The following CA12 variants were observed in gnomAD, a reference collection of about 807,000 sequenced individuals.
CA12 encodes carbonate dehydratase XII.
A neutral mutation model predicts 46.8 loss-of-function variants in CA12; 36 were observed. The observed-to-expected ratio is 0.77, with a 90% CI of 0.59 to 1.02. CA12 has a LOEUF of 1.02. Ranked by LOEUF, CA12 falls within the 50% of genes least tolerant of loss-of-function variation. The pLI is 0.00. For missense variants in CA12, 436 were observed against 451.4 expected (o/e 0.97, Z 0.31); for synonymous variants, 202 against 187.0 (o/e 1.08, Z -0.65).
chr15:63,359,190 C>G (rs764302320), intron 2 of CA12, among the ~76,000 whole-genome samples: 3 of 152,182 alleles, frequency 2.0e-5, no homozygotes, highest in African/African-American at 7.2e-5. Context: ...CTGGCTACCC[C>G]CTTTGGATAA....
chr15:63,349,082 C>T (rs1716684406), intron 2 of CA12, among the ~76,000 whole-genome samples: 1 of 152,140 alleles, frequency 6.6e-6, no homozygotes, highest in South Asian at 2.1e-4. Flanking sequence ...ATTCCAGCAT[C>T]AGCTGTCCCA....
rs1035122563 is a variant in CA12 at position 63,355,233 on chromosome 15, C to T, written c.107-8524G>A. ...GCAGACACACCAAGCTGCTTCACAT[C>T]TCCCTGAAACACCCTCCCCTCGCTG... is the stretch of plus-strand genomic sequence containing the variant. On this transcript the variant is annotated intron_variant, in intron 2 of 10. Transcript: ENST00000178638. This position sits in a 1 kb window ranked among gnomAD's most constrained non-coding sequence, Gnocchi z 4.1. 2.6e-5 allele frequency among the ~76,000 whole-genome samples: 4 copies of T among 152,192 alleles called. No homozygotes were observed. Among genetic ancestry groups the T allele is most frequent in the Non-Finnish European group, 5.9e-5 (4 of 68,030 alleles).
rs1037885432 is a variant in CA12, at chr15:63,378,495, G to A, written c.86-2817C>T. ...AGCTATGGGTGCATTGAGAGTTGAG[G>A]GTCCCAAGATCAACCTCCCTTGAAT... On this transcript the variant is annotated intron_variant, in intron 1 of 10. Transcript: ENST00000178638. The surrounding 1 kb of genome is among the most constrained non-coding windows in gnomAD (Gnocchi z 4.8). 1.3e-5 allele frequency among the ~76,000 whole-genome samples: 2 copies of A among 151,960 alleles called. No homozygotes were observed. The highest frequency in any genetic ancestry group is 4.8e-5 in the African/African-American group (2 of 41,340).
chr15:63,334,429 T>C (rs539602924), intron 8 of CA12, among the ~76,000 whole-genome samples: 4 of 151,574 alleles, frequency 2.6e-5, no homozygotes, highest in Admixed American at 2.0e-4. Context: ...CTGATTTTTT[T>C]TTTTTTAAGT....
rs1295466113 is a variant in CA12 at position 63,322,593 on chromosome 15, A to G, written c.*3692T>C. On this transcript the variant is annotated 3_prime_UTR_variant, in exon 11 of 11. Transcript: ENST00000178638. The surrounding 1 kb of genome is among the most constrained non-coding windows in gnomAD (Gnocchi z 4.1). ...CTGCCGACCTATGGCTCTCACTGCTATGCCTCCCTGATCATTCAGCCAGTG... is the reference window on the plus strand; with the variant it reads ...CTGCCGACCTATGGCTCTCACTGCTGTGCCTCCCTGATCATTCAGCCAGTG... 1 of 152,244 alleles carries G rather than the reference A, an allele frequency of 6.6e-6. No homozygotes were observed. The highest frequency in any genetic ancestry group is 6.5e-5 in the Admixed American group (1 of 15,284). The allele number at this position is 152,244 out of a possible 1,614,324, so 9.4% of individuals were successfully genotyped here.
At chr15:63,380,302 A>G (rs532026456) in intron 1 of CA12, among the ~76,000 whole-genome samples, 20 of 152,134 alleles carry the variant, frequency 1.3e-4, no homozygotes, top group Admixed American at 1.3e-4. Context: ...AAAGTAGGGA[A>G]GAAAGGAAGG....
At chr15:63,357,775 C>T (rs1595786842) in intron 2 of CA12, among the ~76,000 whole-genome samples, 1 of 152,250 alleles carries the variant, frequency 6.6e-6, no homozygotes, top group East Asian at 1.9e-4. Flanking sequence ...AGATCCAGAA[C>T]ATTTCAATAT....
rs2039541093 is a variant in CA12, at chr15:63,374,083, C to T, written c.106+1575G>A. Reference sequence around the variant, plus strand: ...CTCCACCTCCTACCACCAAGTAACTCTTCCTAAAACACAGACTTACTCCCT... The same window carrying T: ...CTCCACCTCCTACCACCAAGTAACTTTTCCTAAAACACAGACTTACTCCCT... On this transcript the variant is annotated intron_variant, in intron 2 of 10. Transcript: ENST00000178638. The surrounding 1 kb of genome is among the most constrained non-coding windows in gnomAD (Gnocchi z 4.4). Among the ~76,000 whole-genome samples the T allele has an allele frequency of 6.6e-6, 1 of 152,120 alleles. No homozygotes were observed. Among genetic ancestry groups the T allele is most frequent in the Non-Finnish European group, 1.5e-5 (1 of 68,028 alleles).
In CA12 at chr15:63,329,529, C is replaced by T. The variant is rs749498405; in HGVS notation, c.875-1399G>A. ...TTTGTCTAAAGAAAGTGTAGATTTA[C>T]AGGTACCCTTCTGTCTGGTGGTTTT... On this transcript the variant is annotated intron_variant, in intron 8 of 10. Coordinates refer to ENST00000178638, the MANE Select transcript of CA12 (RefSeq NM_001218.5). This position sits in a 1 kb window ranked among gnomAD's most constrained non-coding sequence, Gnocchi z 4.8. Among the ~76,000 whole-genome samples the T allele has an allele frequency of 3.9e-5, 6 of 151,984 alleles. No homozygotes were observed. Among genetic ancestry groups the T allele is most frequent in the Non-Finnish European group, 7.4e-5 (5 of 67,972 alleles).
rs534560031 is a variant in CA12, at chr15:63,328,901, A to C, written c.875-771T>G. On this transcript the variant is annotated intron_variant, in intron 8 of 10. Coordinates refer to ENST00000178638, the MANE Select transcript of CA12 (RefSeq NM_001218.5). The surrounding 1 kb of genome is among the most constrained non-coding windows in gnomAD (Gnocchi z 5.9). ...TTTTTAGTAGAGATGGGGTTTTGCC[A>C]TGTTGACCAGGCTGGTCTCGAACTC... is the stretch of plus-strand genomic sequence containing the variant. Among the ~76,000 whole-genome samples, 203 of 152,222 alleles carry C rather than the reference A, an allele frequency of 1.3e-3. 1 individual carries two copies. The highest frequency in any genetic ancestry group is 4.6e-3 in the African/African-American group (192 of 41,536).
chr15:63,364,332 G>GAAAAA (rs34673043), intron 2 of CA12, among the ~76,000 whole-genome samples: 24,494 of 55,868 alleles, frequency 0.44, 8,945 homozygotes, highest in Non-Finnish European at 0.57. Flanking sequence ...CCCGTCACTA[G>GAAAAA]AAAAAAAAAA....
intron 2 of CA12, among the ~76,000 whole-genome samples, chr15:63,363,030 A>T (rs971546295): frequency 6.6e-6 from 1 of 151,900 alleles, no homozygotes; most frequent in African/African-American, 2.4e-5. Context: ...TACCTATCTC[A>T]CCGGGTGCTG....
chr15:63,353,990 T>C (rs2152620890), intron 2 of CA12, among the ~76,000 whole-genome samples: 1 of 152,278 alleles, frequency 6.6e-6, no homozygotes, highest in African/African-American at 2.4e-5. Flanking sequence ...AGCATCACCT[T>C]GGTAAGAGGT....
At position 63,376,675 on chromosome 15, in the gene CA12, G is replaced by A. The variant is rs1415266117; in HGVS notation, c.86-997C>T. Among the ~76,000 whole-genome samples, 4 of 149,488 alleles carry A rather than the reference G, an allele frequency of 2.7e-5. No individual in the cohort carries two copies. In the Admixed American group the frequency reaches 2.7e-4, roughly 10 times the overall value. On this transcript the variant is annotated intron_variant, in intron 1 of 10. Transcript: ENST00000178638. ...TTTCTCTTTCTTTTTGTGAGACAGG[G>A]TCTCACTCTGTCACTGGAGTACAGT...
At chr15:63,375,734 A>G (rs2039562200) in intron 1 of CA12, 56 bp from the exon 2 acceptor site, 6 of 1,336,336 alleles carry the variant, frequency 4.5e-6, no homozygotes, top group Non-Finnish European at 6.4e-6. Flanking sequence ...AGTAATGGAA[A>G]ACACTACAGA....
chr15:63,326,421 G>T, intron 10 of CA12, 64 bp from the exon 11 acceptor site: 1 of 1,343,106 alleles, frequency 7.4e-7, no homozygotes, highest in Non-Finnish European at 1.1e-6. Context: ...AGAGCAGCCT[G>T]ACTCAGGTAT....
At position 63,373,509 on chromosome 15, in the gene CA12, C is replaced by G. The variant is rs1028283573; in HGVS notation, c.106+2149G>C. Among the ~76,000 whole-genome samples the G allele has an allele frequency of 6.6e-6, 1 of 152,144 alleles. No individual in the cohort carries two copies. Among genetic ancestry groups the G allele is most frequent in the African/African-American group, 2.4e-5 (1 of 41,420 alleles). ...CTGTGTTTCTATCATACCTGAGAGG[C>G]CAGCAGAAGAGGTGGGGCAAGCTTC... is the stretch of plus-strand genomic sequence containing the variant. On this transcript the variant is annotated intron_variant, in intron 2 of 10. Coordinates refer to ENST00000178638, the MANE Select transcript of CA12 (RefSeq NM_001218.5). The surrounding 1 kb of genome is among the most constrained non-coding windows in gnomAD (Gnocchi z 4.9).
intron 2 of CA12, among the ~76,000 whole-genome samples, chr15:63,357,258 TG>T (rs1455917267): frequency 1.3e-5 from 2 of 152,244 alleles, no homozygotes; most frequent in South Asian, 2.1e-4. Context: ...CACAGACTGC[TG>T]GGCCACACCC....
At chr15:63,363,587 A>T (rs1384861642) in intron 2 of CA12, among the ~76,000 whole-genome samples, 1 of 152,224 alleles carries the variant, frequency 6.6e-6, no homozygotes, top group African/African-American at 2.4e-5. Context: ...ACTGCTGTGC[A>T]TGCAGCAGGC....
Sources: gnomAD v4.1 joint callset for allele counts (sites outside exome capture counted in the v4.1 genomes callset) on GRCh38, gnomAD v4.1.1 for gene constraint, Gnocchi (gnomAD v3.1) non-coding constraint, MANE v1.5 for transcripts, NCBI Gene and HGNC (gene_info 2026-07-23, HGNC 2026-07-21) for gene names.